Variants in GALNT12 observed in about 807,000 individuals in gnomAD.
GALNT12 encodes polypeptide N-acetylgalactosaminyltransferase 12, also known as UDP-GalNAc:polypeptide N-acetylgalactosaminyltransferase 12.
Under a neutral mutation model 55.5 loss-of-function variants are expected in GALNT12, and 45 were observed. The observed-to-expected ratio is 0.81, with a 90% CI of 0.64 to 1.04. GALNT12 has a LOEUF of 1.04. GALNT12 is among the 50% of genes least tolerant of loss of function. The pLI, the probability that GALNT12 is intolerant of heterozygous loss-of-function variation, is 0.00. For missense variants in GALNT12, 709 were observed against 754.8 expected (o/e 0.94, Z 0.71); for synonymous variants, 304 against 312.2 (o/e 0.97, Z 0.28).
intron 8 of GALNT12, chr9:98,844,667 A>C: frequency 4.4e-6 from 1 of 225,486 alleles, no homozygotes; most frequent in Non-Finnish European, 8.7e-6. Context: ...ATTTCAGATG[A>C]TTTCCTTAGA....
Position 98,821,624 on chromosome 9 carries a change from C to CAAAAAAAAAAAAAAAAAAAAAAAAAA in GALNT12, c.372-1619_372-1618insAAAAAAAAAAAAAAAAAAAAAAAAAA, listed in dbSNP as rs11467276. Among the ~76,000 whole-genome samples the CAAAAAAAAAAAAAAAAAAAAAAAAAA allele has an allele frequency of 5.4e-5, 6 of 112,028 alleles. 1 individual carries two copies. Among genetic ancestry groups the CAAAAAAAAAAAAAAAAAAAAAAAAAA allele is most frequent in the South Asian group, 7.2e-4 (2 of 2,788 alleles). 73.5% of individuals were successfully genotyped at this position (112,028 alleles called of 152,430 possible). ...TGGGCAACAGAGCGAGACTCCATCT[C>CAAAAAAAAAAAAAAAAAAAAAAAAAA]AAAAAAAAAAAAAGAAAGAAATTTC... is the stretch of plus-strand genomic sequence containing the variant. On this transcript the variant is annotated intron_variant, in intron 1 of 9. Coordinates refer to ENST00000375011, the MANE Select transcript of GALNT12 (RefSeq NM_024642.5).
At chr9:98,830,223 C>T (rs575418745) in intron 3 of GALNT12, among the ~76,000 whole-genome samples, 64 of 152,246 alleles carry the variant, frequency 4.2e-4, no homozygotes, top group African/African-American at 1.4e-3. Context: ...TTGGTGTGCA[C>T]GAGCATTGGG....
At chr9:98,848,340 C>A (rs1375429583) in intron 9 of GALNT12, among the ~76,000 whole-genome samples, 2 of 152,150 alleles carry the variant, frequency 1.3e-5, no homozygotes, top group Non-Finnish European at 2.9e-5. Flanking sequence ...AGATAAACAC[C>A]AGGCCTGAGA....
At chr9:98,819,003 C>T (rs1020702183) in intron 1 of GALNT12, among the ~76,000 whole-genome samples, 11 of 152,122 alleles carry the variant, frequency 7.2e-5, no homozygotes, top group Non-Finnish European at 1.2e-4. Context: ...ATTGTACTGG[C>T]TGTTGGCAGG....
chr9:98,824,854 A>G (rs1051674511), intron 2 of GALNT12, among the ~76,000 whole-genome samples: 1 of 152,196 alleles, frequency 6.6e-6, no homozygotes, highest in Non-Finnish European at 1.5e-5. Flanking sequence ...GGCACATAGT[A>G]GGTGCTCATC....
At chr9:98,848,142 C>T (rs987583195) in intron 9 of GALNT12, among the ~76,000 whole-genome samples, 5 of 152,070 alleles carry the variant, frequency 3.3e-5, no homozygotes, top group Non-Finnish European at 7.4e-5. Flanking sequence ...GGCCTAAAAA[C>T]CTCTGAAATG....
chr9:98,831,105 A>G (rs1329167683), intron 3 of GALNT12, among the ~76,000 whole-genome samples: 1 of 152,262 alleles, frequency 6.6e-6, no homozygotes, highest in East Asian at 1.9e-4. Flanking sequence ...GTTGAAGCCA[A>G]CACACAGGCT....
In GALNT12 at chr9:98,807,767, G is replaced by C; in HGVS notation, c.69G>C (p.Val23=). The C allele has an allele frequency of 8.6e-7, 1 of 1,168,870 alleles. No homozygotes were observed. 72.4% of individuals were successfully genotyped at this position (1,168,870 alleles called of 1,614,324 possible). ...ELRRGREALL[V]LLALLALAGL... is the part of the protein sequence containing the mutation. ...GGCGCGGCCGGGAGGCGCTGTTGGT[G>C]CTCCTGGCGCTACTGGCGTTGGCCG... is the stretch of plus-strand genomic sequence containing the variant. The change falls in exon 1 of 10, where the codon GTG becomes GTC. Residue 23 remains valine, a synonymous_variant. Transcript: ENST00000375011.
In GALNT12 at chr9:98,849,668, A is replaced by G. The variant is rs1015374934; in HGVS notation, c.*576A>G. ...TGCTTTTTGGTTATGTGTTGCTACC[A>G]CAGTTAACACTCCATAATGTTCATG... On this transcript the variant is annotated 3_prime_UTR_variant, in exon 10 of 10. Coordinates refer to ENST00000375011, the MANE Select transcript of GALNT12 (RefSeq NM_024642.5). 1.7e-5 allele frequency: 7 copies of G among 408,030 alleles called. No individual in the cohort carries two copies. Among genetic ancestry groups the G allele is most frequent in the Non-Finnish European group, 3.0e-5 (7 of 231,392 alleles). 25.3% of individuals were successfully genotyped at this position (408,030 alleles called of 1,614,324 possible). A position where few individuals can be genotyped will look rare whatever the true frequency, so the allele number is the denominator to read the frequency against.
chr9:98,828,891 G>A lies in GALNT12; in HGVS notation c.731+1950G>A, dbSNP rs913948297. 3.9e-5 allele frequency among the ~76,000 whole-genome samples: 6 copies of A among 151,990 alleles called. 1 individual carries two copies. In the South Asian group the frequency reaches 8.3e-4, roughly 21 times the overall value. On this transcript the variant is annotated intron_variant, in intron 3 of 9. Coordinates refer to ENST00000375011, the MANE Select transcript of GALNT12 (RefSeq NM_024642.5). The stretch of plus-strand genomic sequence containing the variant: ...GTCACCCAGGCTGGAGGGCAGTGGC[G>A]TGATCTTGGCTCACTGCAACCTCCG...
chr9:98,820,231 C>A (rs1035804703), intron 1 of GALNT12, among the ~76,000 whole-genome samples: 2 of 152,140 alleles, frequency 1.3e-5, no homozygotes, highest in African/African-American at 4.8e-5. Flanking sequence ...AGCTATTCTT[C>A]CTGATACTCT....
At chr9:98,830,897 T>C (rs1302548054) in intron 3 of GALNT12, among the ~76,000 whole-genome samples, 2 of 152,220 alleles carry the variant, frequency 1.3e-5, no homozygotes, top group East Asian at 1.9e-4. Flanking sequence ...TCTGTTGCAC[T>C]GTCCTGTGTG....
At chr9:98,839,442 A>G (rs1487462118) in intron 6 of GALNT12, among the ~76,000 whole-genome samples, 1 of 152,248 alleles carries the variant, frequency 6.6e-6, no homozygotes, top group Non-Finnish European at 1.5e-5. Flanking sequence ...TTAATTATTC[A>G]AAAGCTCTCA....
intron 4 of GALNT12, among the ~76,000 whole-genome samples, chr9:98,833,315 C>A (rs1350514818): frequency 2.0e-5 from 3 of 152,276 alleles, no homozygotes; most frequent in Non-Finnish European, 2.9e-5. Context: ...AGTTGGGCTT[C>A]TGAATTCTTT....
rs763868835 is a variant in GALNT12, at chr9:98,835,300, A to G, written c.969A>G (p.Glu323=). ...TTGCTGTGAGTAAGAAATATTTTGA[A>G]TATCTGGGGTCTTATGATACAGGAA... ...GLFAVSKKYF[E]YLGSYDTGME... is the part of the protein sequence containing the mutation. The change falls in exon 5 of 10, where the codon GAA becomes GAG. Residue 323 remains glutamate (E), a synonymous_variant. Coordinates refer to ENST00000375011, the MANE Select transcript of GALNT12 (RefSeq NM_024642.5). 6 of 1,613,966 alleles carry G rather than the reference A, an allele frequency of 3.7e-6. No homozygotes were observed. The highest frequency in any genetic ancestry group is 4.2e-6 in the Non-Finnish European group (5 of 1,179,960).
At chr9:98,842,206 C>T (rs1393018026) in intron 7 of GALNT12, among the ~76,000 whole-genome samples, 2 of 151,528 alleles carry the variant, frequency 1.3e-5, no homozygotes, top group Non-Finnish European at 2.9e-5. Context: ...TTTTTTGAGA[C>T]AGGCTTCTAT....
chr9:98,809,554 C>T (rs1037089267), intron 1 of GALNT12, among the ~76,000 whole-genome samples: 1 of 152,182 alleles, frequency 6.6e-6, no homozygotes, highest in Non-Finnish European at 1.5e-5. Flanking sequence ...GGTTTCCCTT[C>T]GTTTGCGAAA....
chr9:98,832,434 G>A lies in GALNT12; in HGVS notation c.917+477G>A, dbSNP rs533318955. On this transcript the variant is annotated intron_variant, in intron 4 of 9. Transcript: ENST00000375011. The stretch of plus-strand genomic sequence containing the variant: ...GCTGGAAGGCTGAGATAGGAGGATC[G>A]CTTGAGTCAAGGAGTTCAAGGCTTT... 4.0e-4 allele frequency among the ~76,000 whole-genome samples: 61 copies of A among 152,254 alleles called. 2 individuals are homozygous for A. In the South Asian group the frequency reaches 6.8e-3, roughly 17 times the overall value.
chr9:98,813,680 A>G lies in GALNT12; in HGVS notation c.371+5611A>G, dbSNP rs544466778. 3.4e-3 allele frequency among the ~76,000 whole-genome samples: 524 copies of G among 152,134 alleles called. 2 individuals carry two copies. The highest frequency in any genetic ancestry group is 7.7e-3 in the South Asian group (37 of 4,816). On this transcript the variant is annotated intron_variant, in intron 1 of 9. Transcript: ENST00000375011. The stretch of plus-strand genomic sequence containing the variant: ...ATGCCCTGCTAATTTTTGTATTTTT[A>G]GTAGAAACGGGGTTTCACCATGTTG...
Sources: allele counts gnomAD v4.1 joint callset (sites outside exome capture counted in the v4.1 genomes callset), GRCh38; gene constraint gnomAD v4.1.1; transcripts MANE v1.5; gene names NCBI Gene and HGNC (gene_info 2026-07-23, HGNC 2026-07-21).